Variants in STAT2 observed in about 807,000 individuals in gnomAD.
The protein encoded by STAT2 is signal transducer and activator of transcription 2, also known as interferon alpha induced transcriptional activator.
STAT2 carries 51 observed loss-of-function variants against 122.3 expected under a neutral mutation model. The ratio of observed to expected loss-of-function variants is 0.42; its 90% CI spans 0.33 to 0.53. STAT2 has a LOEUF of 0.53. Among genes scored for constraint, STAT2 ranks in the 20% least tolerant of loss-of-function variants. STAT2 has a pLI of 0.10. For synonymous variants in STAT2, 351 were observed against 394.9 expected, an observed-to-expected ratio of 0.89 and a Z score of 1.32; for missense variants, 736 against 1,010.3, an observed-to-expected ratio of 0.73 and a Z score of 3.68.
At chr12:56,357,026 ATTTTTTTT>A (rs34402362) in intron 1 of STAT2, among the ~76,000 whole-genome samples, 10 of 66,384 alleles carry the variant, frequency 1.5e-4, no homozygotes, top group South Asian at 1.6e-3. Context: ...CCTAATCTGT[ATTTTTTTT>A]TTTTTTTTTT....
In STAT2 at chr12:56,349,154, C is replaced by T. The variant is rs373151952; in HGVS notation, c.1440+9G>A. 53 of 1,614,024 alleles carry T rather than the reference C, an allele frequency of 3.3e-5. 1 individual carries two copies. The African/African-American group carries it at 5.7e-4, about 17-fold the overall frequency. Reference sequence around the variant, plus strand: ...CTCGCGCCTTGACCTGTCGGCCCCACTCCCCTACCTGAAGGTTTGGGCTGA... The same window carrying T: ...CTCGCGCCTTGACCTGTCGGCCCCATTCCCCTACCTGAAGGTTTGGGCTGA... On this transcript the variant is annotated intron_variant, in intron 16 of 23. Coordinates refer to ENST00000314128, the MANE Select transcript of STAT2 (RefSeq NM_005419.4).
In STAT2 at chr12:56,346,432, C is replaced by T. The variant is rs752483816; in HGVS notation, c.2044+10G>A. 4.0e-5 allele frequency: 64 copies of T among 1,614,000 alleles called. No individual in the cohort carries two copies. The Middle Eastern group carries it at 8.3e-4, about 21-fold the overall frequency. On this transcript the variant is annotated intron_variant, in intron 21 of 23. Transcript: ENST00000314128. ...GCAATCTAGCAATGAAGTATGTCAA[C>T]GATTCCCACCTTTCTCCTGGTAGTA...
chr12:56,353,232 C>G (rs1199713489), intron 8 of STAT2, among the ~76,000 whole-genome samples: 1 of 152,188 alleles, frequency 6.6e-6, no homozygotes, highest in African/African-American at 2.4e-5. Flanking sequence ...GATCCACCCA[C>G]CTTGGCCTCC....
At position 56,348,815 on chromosome 12, in the gene STAT2, G is replaced by C. The variant is rs1213289142; in HGVS notation, c.1577-11C>G. 1.9e-6 allele frequency: 3 copies of C among 1,614,210 alleles called. No homozygotes were observed. Among genetic ancestry groups the C allele is most frequent in the Non-Finnish European group, 2.5e-6 (3 of 1,180,048 alleles). ...TCCTACAGTTCTGCCCTGTGGGACA[G>C]ATAGCCACAGACAGATGATGAGGGA... On this transcript the variant is annotated splice_polypyrimidine_tract_variant and intron_variant, in intron 17 of 23. Transcript: ENST00000314128.
In STAT2 at chr12:56,356,216, C is replaced by G; in HGVS notation, c.201G>C (p.Leu67=). 6.2e-7 allele frequency: 1 copy of G among 1,613,916 alleles called. No individual in the cohort carries two copies. The highest frequency in any genetic ancestry group is 8.5e-7 in the Non-Finnish European group (1 of 1,180,034). ...TMLFFHFLDQ[L]NYECGRCSQD... is the part of the protein sequence containing the mutation. ...GGCTGCAACGGCCACACTCATAGTTCAGCTGATCCAAGAAGTGGAAGAATA... is the reference window on the plus strand; with the variant it reads ...GGCTGCAACGGCCACACTCATAGTTGAGCTGATCCAAGAAGTGGAAGAATA... The change falls in exon 3 of 24, where the codon CTG becomes CTC. Residue 67 remains leucine (L), a synonymous_variant. Transcript: ENST00000314128.
chr12:56,356,282 C>T lies in STAT2; in HGVS notation c.135G>A (p.Gln45=). 1 of 1,611,152 alleles carries T rather than the reference C, an allele frequency of 6.2e-7. No homozygotes were observed. The highest frequency in any genetic ancestry group is 8.5e-7 in the Non-Finnish European group (1 of 1,179,956). ...LAVWIEDQNW[Q]EAALGSDDSK... ...AATCATCACTCCCAAGTGCAGCTTC[C>T]TGCCTGGGCACCAGGAATAAGAAGT... Residue 45 remains glutamine, a synonymous_variant, in exon 3 of 24, where the codon CAG becomes CAA. Coordinates refer to ENST00000314128, the MANE Select transcript of STAT2 (RefSeq NM_005419.4).
At position 56,346,945 on chromosome 12, in the gene STAT2, C is replaced by CCATGATG. The variant is rs779636893; in HGVS notation, c.1728_1734dup (p.Gly579HisfsTer28). On this transcript the variant is annotated frameshift_variant, in exon 20 of 24. Coordinates refer to ENST00000314128, the MANE Select transcript of STAT2 (RefSeq NM_005419.4). LOFTEE classifies it high-confidence loss of function. ...CGCTCCTGGCTCCGACTCACAAAGCCCATGATGCGTCTGGAGCACAGAGAG... is the reference window on the plus strand; with the variant it reads ...CGCTCCTGGCTCCGACTCACAAAGCCCATGATGCATGATGCGTCTGGAGCACAGAGAG... 1.9e-6 allele frequency: 3 copies of CCATGATG among 1,614,024 alleles called. No homozygotes were observed. Among genetic ancestry groups the CCATGATG allele is most frequent in the African/African-American group, 1.3e-5 (1 of 74,902 alleles).
chr12:56,357,193 C>T lies in STAT2; in HGVS notation c.-7-615G>A, dbSNP rs1201946420. 3.3e-5 allele frequency among the ~76,000 whole-genome samples: 5 copies of T among 151,514 alleles called. No homozygotes were observed. The East Asian group carries it at 7.8e-4, about 23-fold the overall frequency. Reference sequence around the variant, plus strand: ...CTGGGATTACAGGCACCCACCACCACGCCCAGCTAATTTTTGTATATTTTT... The same window carrying T: ...CTGGGATTACAGGCACCCACCACCATGCCCAGCTAATTTTTGTATATTTTT... On this transcript the variant is annotated intron_variant, in intron 1 of 23. Transcript: ENST00000314128.
At chr12:56,346,775 G>A (rs1178403406) in intron 20 of STAT2, 44 bp downstream of exon 20, 2 of 1,612,972 alleles carry the variant, frequency 1.2e-6, no homozygotes, top group Admixed American at 3.3e-5. Flanking sequence ...GGGGAGCCAG[G>A]CAGAAAGGAG....
At chr12:56,355,671 T>C (rs1372841179) in intron 4 of STAT2, 37 bp downstream of exon 4, 2 of 1,605,874 alleles carry the variant, frequency 1.2e-6, no homozygotes, top group Non-Finnish European at 1.7e-6. Flanking sequence ...CCTCTCTACT[T>C]CAGGAGTTTC....
chr12:56,346,705 A>C (rs1317340648), intron 20 of STAT2, 81 bp from the exon 21 acceptor site: 1 of 1,601,586 alleles, frequency 6.2e-7, no homozygotes, highest in African/African-American at 1.3e-5. Context: ...GCCCAGTCCC[A>C]AACCAGCTGA....
At chr12:56,345,955 G>A (rs1877385116) in intron 22 of STAT2, among the ~76,000 whole-genome samples, 191 bp downstream of exon 22, 4 of 152,036 alleles carry the variant, frequency 2.6e-5, no homozygotes, top group Admixed American at 2.0e-4. Flanking sequence ...TAGGAGGGAG[G>A]GAAGGCTGGG....
In STAT2 at chr12:56,346,462, C is replaced by T; in HGVS notation, c.2024G>A (p.Gly675Glu). 1.2e-6 allele frequency: 2 copies of T among 1,614,190 alleles called. No individual in the cohort carries two copies. Among genetic ancestry groups the T allele is most frequent in the Middle Eastern group, 1.6e-4 (1 of 6,062 alleles). The change falls in exon 21 of 24, where the codon GGG becomes GAG. Residue 675 changes from glycine to glutamate, a missense_variant. Gly to Glu is a moderately conservative substitution (Grantham distance 98). Transcript: ENST00000314128. Reference sequence around the variant, plus strand: ...CCCACCTTTCTCCTGGTAGTAGCACCCAAAAGCTTCATCCCGGGGGATTCG... The same window carrying T: ...CCCACCTTTCTCCTGGTAGTAGCACTCAAAAGCTTCATCCCGGGGGATTCG... Reference protein sequence around the residue: ...YPRIPRDEAFGCYYQEKVNLQ... With the variant: ...YPRIPRDEAFECYYQEKVNLQ...
chr12:56,359,893 G>C (rs969084739), intron 1 of STAT2, among the ~76,000 whole-genome samples, 165 bp downstream of exon 1: 1 of 152,272 alleles, frequency 6.6e-6, no homozygotes, highest in East Asian at 1.9e-4. Flanking sequence ...AGATAGGCTG[G>C]ACAGAAGAAG....
intron 19 of STAT2, among the ~76,000 whole-genome samples, chr12:56,347,186 A>G (rs1374092249): frequency 6.6e-6 from 1 of 151,476 alleles, no homozygotes; most frequent in Non-Finnish European, 1.5e-5. Flanking sequence ...ACAGATGAAC[A>G]GCACTTTTTT....
In STAT2 at chr12:56,351,321, G is replaced by C. The variant is rs759224707; in HGVS notation, c.912C>G (p.Val304=). 7 of 1,614,156 alleles carry C rather than the reference G, an allele frequency of 4.3e-6. No homozygotes were observed. The South Asian group carries it at 7.7e-5, about 18-fold the overall frequency. ...GGAGCAGACGCTGTAGCAACTCTGTGACCTGGGCGTTGCGTAGGTCCACCC... is the reference window on the plus strand; with the variant it reads ...GGAGCAGACGCTGTAGCAACTCTGTCACCTGGGCGTTGCGTAGGTCCACCC... The part of the protein sequence containing the change: ...TKGVDLRNAQ[V]TELLQRLLHR... Residue 304 remains valine, a synonymous_variant, in exon 9 of 24, where the codon GTC becomes GTG. Coordinates refer to ENST00000314128, the MANE Select transcript of STAT2 (RefSeq NM_005419.4).
Position 56,348,869 on chromosome 12 carries a change from G to A in STAT2, c.1576+55C>T, listed in dbSNP as rs566444252. ...CAGGGGTCCTGGGATAGATAGGACA[G>A]AGGGACAGAAAAGACTAAGGCTGGG... is the stretch of plus-strand genomic sequence containing the variant. On this transcript the variant is annotated intron_variant, in intron 17 of 23. Transcript: ENST00000314128. 120 of 1,614,092 alleles carry A rather than the reference G, an allele frequency of 7.4e-5. No homozygotes were observed. In the East Asian group the frequency reaches 2.6e-3, roughly 35 times the overall value.
At chr12:56,358,288 C>G (rs11575226) in intron 1 of STAT2, among the ~76,000 whole-genome samples, 1 of 150,410 alleles carries the variant, frequency 6.6e-6, no homozygotes, top group African/African-American at 2.4e-5. Context: ...CTCTGTCACC[C>G]AGGCTGGAGT....
At chr12:56,355,082 C>A (rs998208957) in intron 6 of STAT2, 194 bp downstream of exon 6, 2 of 726,574 alleles carry the variant, frequency 2.8e-6, no homozygotes, top group South Asian at 1.8e-5. Flanking sequence ...ATTTCCTCAA[C>A]ATTTACTGTC....
Sources: allele counts gnomAD v4.1 joint callset (sites outside exome capture counted in the v4.1 genomes callset), GRCh38; gene constraint gnomAD v4.1.1; transcripts MANE v1.5; gene names NCBI Gene and HGNC (gene_info 2026-07-23, HGNC 2026-07-21).